The following CTSB variants were observed in gnomAD, a reference collection of about 807,000 sequenced individuals.
CTSB encodes the protein APP secretase.
CTSB carries 57 observed loss-of-function variants against 44.3 expected under a neutral mutation model. The observed-to-expected ratio is 1.29, with a 90% CI of 1.04 to 1.60. The LOEUF is 1.60. CTSB is among the 40% of genes most tolerant of loss of function. The probability of loss-of-function intolerance (pLI) is 0.00; values close to 1 mark genes in which losing one functional copy is unlikely to be tolerated. For synonymous variants in CTSB, 320 were observed against 168.0 expected (o/e 1.91, Z -7.00); for missense variants, 768 against 443.0 (o/e 1.73, Z -6.59).
In CTSB at chr8:11,845,169, C is replaced by A. The variant is rs779506743; in HGVS notation, c.976G>T (p.Val326Leu). The A allele has an allele frequency of 6.2e-7, 1 of 1,614,098 alleles. No individual in the cohort carries two copies. The highest frequency in any genetic ancestry group is 8.5e-7 in the Non-Finnish European group (1 of 1,179,952). ...QDHCGIESEV[V>L]AGIPRTDQYW... is the part of the protein sequence containing the mutation. The stretch of plus-strand genomic sequence containing the variant: ...TGATCGGTGCGTGGAATTCCAGCCA[C>A]CACTTCTGATTCGATTCCACAGTGA... The change falls in exon 10 of 10, where the codon GTG (valine) becomes TTG (leucine). Residue 326 changes from valine (V) to leucine (L), a missense_variant. Transcript: ENST00000353047.
rs1473706463 is a variant in CTSB, at chr8:11,843,024, C to G, written c.*2101G>C. On this transcript the variant is annotated 3_prime_UTR_variant, in exon 10 of 10. Transcript: ENST00000353047. ...AGTGCACTGGCACTGTCTTGGCTCA[C>G]TGCAACCTCCGCCTCCCGGGTTCAA... 3 of 148,932 alleles carry G rather than the reference C, an allele frequency of 2.0e-5. No homozygotes were observed. The highest frequency in any genetic ancestry group is 7.5e-5 in the African/African-American group (3 of 40,050). The allele number at this position is 148,932 out of a possible 1,614,324, so 9.2% of individuals were successfully genotyped here.
At chr8:11,848,506 C>T in intron 5 of CTSB, 2 of 388,968 alleles carry the variant, frequency 5.1e-6, no homozygotes, top group Non-Finnish European at 1.0e-5. Flanking sequence ...ACCACCAGTT[C>T]TCTGAAATGA....
intron 8 of CTSB, 80 bp downstream of exon 8, chr8:11,846,972 T>A (rs190852102): frequency 3.9e-6 from 3 of 774,776 alleles, no homozygotes; most frequent in Non-Finnish European, 4.6e-6. Flanking sequence ...TCCAGCCCTA[T>A]TGGTCAACAT....
chr8:11,860,106 T>G (rs1816189254), intron 1 of CTSB, among the ~76,000 whole-genome samples: 1 of 152,124 alleles, frequency 6.6e-6, no homozygotes, highest in Non-Finnish European at 1.5e-5. Flanking sequence ...CTTTCTTACA[T>G]GGTCACAGAG....
intron 7 of CTSB, 53 bp downstream of exon 7, chr8:11,847,626 G>A: frequency 1.3e-6 from 2 of 1,493,372 alleles, no homozygotes; most frequent in African/African-American, 1.4e-5. Context: ...GAGGAGGGAT[G>A]CAGCAGCTCC....
In CTSB at chr8:11,850,902, T is replaced by C; in HGVS notation, c.291A>G (p.Lys97=). The change falls in exon 4 of 10, where the codon AAA becomes AAG. Residue 97 remains lysine (K), a synonymous_variant. Coordinates refer to ENST00000353047, the MANE Select transcript of CTSB (RefSeq NM_001908.5). ...CACAGGAGCCCTGGTCTCTGATCTC[T>C]TTGATGGTGGGACACTGTGGCCATT... is the stretch of plus-strand genomic sequence containing the variant. ...REQWPQCPTI[K]EIRDQGSCGS... is the part of the protein sequence containing the mutation. The C allele has an allele frequency of 6.2e-7, 1 of 1,613,564 alleles. No homozygotes were observed. The highest frequency in any genetic ancestry group is 2.2e-5 in the East Asian group (1 of 44,878).
In CTSB at chr8:11,843,390, G is replaced by A. The variant is rs1458967675; in HGVS notation, c.*1735C>T. The A allele has an allele frequency of 6.6e-6, 1 of 152,192 alleles. No homozygotes were observed. Among genetic ancestry groups the A allele is most frequent in the Non-Finnish European group, 1.5e-5 (1 of 68,040 alleles). 9.4% of individuals were successfully genotyped at this position (152,192 alleles called of 1,614,324 possible). ...CCAAACTTGAATGCTTTTGGAAAGA[G>A]CTAGCCTCATACCACTTCAGTTGGG... On this transcript the variant is annotated 3_prime_UTR_variant, in exon 10 of 10. Coordinates refer to ENST00000353047, the MANE Select transcript of CTSB (RefSeq NM_001908.5).
In CTSB at chr8:11,847,253, G is replaced by T. The variant is rs1405609297; in HGVS notation, c.677-85C>A. On this transcript the variant is annotated intron_variant, in intron 7 of 9. Transcript: ENST00000353047. ...ACGGTCAGCCAGTCACTGATTTCTGGTGGCCTCCAGGGGAAGACTGCATCT... is the reference window on the plus strand; with the variant it reads ...ACGGTCAGCCAGTCACTGATTTCTGTTGGCCTCCAGGGGAAGACTGCATCT... The T allele has an allele frequency of 4.6e-6, 4 of 870,084 alleles. No individual in the cohort carries two copies. The African/African-American group carries it at 5.0e-5, about 11-fold the overall frequency. 53.9% of individuals were successfully genotyped at this position (870,084 alleles called of 1,614,324 possible).
At chr8:11,861,658 TA>T (rs1352725414) in intron 1 of CTSB, among the ~76,000 whole-genome samples, 48 of 152,232 alleles carry the variant, frequency 3.2e-4, no homozygotes, top group African/African-American at 1.1e-3. Flanking sequence ...TGAAAGCTTT[TA>T]CTCCCCATTT....
Position 11,844,996 on chromosome 8 carries a change from G to A in CTSB, c.*129C>T, listed in dbSNP as rs995416574. 3 of 669,296 alleles carry A rather than the reference G, an allele frequency of 4.5e-6. No homozygotes were observed. The highest frequency in any genetic ancestry group is 4.6e-5 in the Admixed American group (2 of 43,708). The allele number at this position is 669,296 out of a possible 1,614,324, so 41.5% of individuals were successfully genotyped here. On this transcript the variant is annotated 3_prime_UTR_variant, in exon 10 of 10. Transcript: ENST00000353047. ...CAGGACTTGGTCTCCTTGGAAGACA[G>A]GTCTGATGTTTGGCCAATCCAGTCC...
intron 1 of CTSB, among the ~76,000 whole-genome samples, chr8:11,860,600 G>A (rs1185015890): frequency 6.6e-6 from 1 of 152,106 alleles, no homozygotes; most frequent in East Asian, 1.9e-4. Context: ...CTCCACCTTG[G>A]GCAACAAGAG....
Position 11,844,875 on chromosome 8 carries a change from C to T in CTSB, c.*250G>A. ...ACAGTCAGCTGGGGCAGCAGGTACTCCCTACGGCACTAGTCTACAGGGGGA... is the reference window on the plus strand; with the variant it reads ...ACAGTCAGCTGGGGCAGCAGGTACTTCCTACGGCACTAGTCTACAGGGGGA... On this transcript the variant is annotated 3_prime_UTR_variant, in exon 10 of 10. Transcript: ENST00000353047. 1 of 494,172 alleles carries T rather than the reference C, an allele frequency of 2.0e-6. No individual in the cohort carries two copies. The highest frequency in any genetic ancestry group is 3.6e-6 in the Non-Finnish European group (1 of 275,052). The allele number at this position is 494,172 out of a possible 1,614,324, so 30.6% of individuals were successfully genotyped here.
chr8:11,853,092 CGTGCACACAACCAT>C (rs1814891169), intron 2 of CTSB, among the ~76,000 whole-genome samples: 1 of 152,156 alleles, frequency 6.6e-6, no homozygotes, highest in Admixed American at 6.5e-5. Flanking sequence ...CACACCTCCA[CGTGCACACAACCAT>C]ATATTCATAC....
intron 5 of CTSB, 100 bp from the exon 6 acceptor site, chr8:11,848,252 C>A (rs1219832701): frequency 1.0e-6 from 1 of 1,003,862 alleles, no homozygotes. Context: ...CGTGGACCCA[C>A]CCCCAGCTGC....
intron 1 of CTSB, among the ~76,000 whole-genome samples, chr8:11,861,182 C>T (rs1411059260): frequency 2.0e-5 from 3 of 152,226 alleles, no homozygotes; most frequent in Admixed American, 1.3e-4. Context: ...TGAACGGGCA[C>T]CAGAGGCCCA....
In CTSB at chr8:11,847,119, C is replaced by T. The variant is rs772004203; in HGVS notation, c.726G>A (p.Glu242=). 8.1e-6 allele frequency: 13 copies of T among 1,613,238 alleles called. No individual in the cohort carries two copies. The highest frequency in any genetic ancestry group is 1.3e-5 in the African/African-American group (1 of 75,002). Residue 242 remains glutamate, a synonymous_variant, in exon 8 of 10, where the codon GAG becomes GAA. Transcript: ENST00000353047. ...CCTCCACGGGGCCGTTTTTGTAGAT[C>T]TCGGCCATGATGTCCTTCTCGCTAT... ...VSNSEKDIMA[E]IYKNGPVEGA... is the part of the protein sequence containing the mutation.
chr8:11,857,742 CT>C (rs1815736171), intron 1 of CTSB: 1 of 152,504 alleles, frequency 6.6e-6, no homozygotes, highest in South Asian at 2.1e-4. Context: ...CCTCCCACAC[CT>C]CCCTGTGCTC....
chr8:11,857,881 C>G (rs1001714016), intron 1 of CTSB: 2 of 151,984 alleles, frequency 1.3e-5, no homozygotes, highest in African/African-American at 2.4e-5. Context: ...TGTGGTGTTC[C>G]TGGCTTCTCT....
At chr8:11,846,143 A>G (rs6601616) in intron 8 of CTSB, 36,339 of 165,576 alleles carry the variant, frequency 0.22, 4,373 homozygotes, top group East Asian at 0.49. Flanking sequence ...AGGGTTTGTC[A>G]AAAGCGTTAC....
Sources: allele counts gnomAD v4.1 joint callset (sites outside exome capture counted in the v4.1 genomes callset), GRCh38; gene constraint gnomAD v4.1.1; transcripts MANE v1.5; gene names NCBI Gene and HGNC (gene_info 2026-07-23, HGNC 2026-07-21).